The following RNLS variants were observed in gnomAD, a reference collection of about 807,000 sequenced individuals.
RNLS encodes renalase.
RNLS carries 39 observed loss-of-function variants against 39.8 expected under a neutral mutation model. That is an observed-to-expected ratio of 0.98 (90% CI 0.76 to 1.28). The LOEUF (loss-of-function observed/expected upper bound fraction) is 1.28, where lower values mean the gene tolerates loss of function less well. Ranked by LOEUF, RNLS falls within the 50% of genes most tolerant of loss-of-function variation. The pLI is 0.00. For synonymous variants in RNLS, 147 were observed against 150.7 expected, an observed-to-expected ratio of 0.98 and a Z score of 0.18; for missense variants, 410 against 413.3, an observed-to-expected ratio of 0.99 and a Z score of 0.07.
intron 4 of RNLS, among the ~76,000 whole-genome samples, chr10:88,497,956 C>T (rs1385079968): frequency 6.9e-6 from 1 of 145,392 alleles, no homozygotes; most frequent in East Asian, 2.0e-4. Flanking sequence ...AAAAAAAAAC[C>T]CAAAAAGTCC....
chr10:88,278,391 G>A (rs1437649828), intron 6 of RNLS, among the ~76,000 whole-genome samples: 1 of 152,184 alleles, frequency 6.6e-6, no homozygotes, highest in Non-Finnish European at 1.5e-5. Flanking sequence ...TCTTGCAGAA[G>A]TGGGTGCAAC....
chr10:88,542,455 A>G (rs1368269487), intron 4 of RNLS, among the ~76,000 whole-genome samples: 1 of 152,186 alleles, frequency 6.6e-6, no homozygotes, highest in South Asian at 2.1e-4. Flanking sequence ...GCACATTCAC[A>G]ATTCCAGCAC....
intron 4 of RNLS, among the ~76,000 whole-genome samples, chr10:88,566,676 GA>G (rs1405812743): frequency 2.0e-5 from 3 of 151,890 alleles, no homozygotes; most frequent in East Asian, 1.9e-4. Flanking sequence ...GAAAAGGCTA[GA>G]AAAAAAGTAA....
chr10:88,194,534 G>C, the RNLS span, among the ~76,000 whole-genome samples: 3 of 152,162 alleles, frequency 2.0e-5, no homozygotes, highest in Non-Finnish European at 4.4e-5. Context: ...AGCAAGAATA[G>C]GTCATGCTTT....
chr10:88,459,839 C>A (rs996733884), intron 4 of RNLS, among the ~76,000 whole-genome samples: 1 of 152,132 alleles, frequency 6.6e-6, no homozygotes, highest in Non-Finnish European at 1.5e-5. Context: ...TCACTCTAGA[C>A]CTTTAACAGC....
intron 4 of RNLS, among the ~76,000 whole-genome samples, chr10:88,534,349 C>A (rs1322954706): frequency 6.6e-6 from 1 of 152,136 alleles, no homozygotes; most frequent in African/African-American, 2.4e-5. Flanking sequence ...ATCCTCTGGA[C>A]ATGAACATCC....
intron 4 of RNLS, among the ~76,000 whole-genome samples, chr10:88,540,759 T>G (rs1008539749): frequency 6.6e-6 from 1 of 152,112 alleles, no homozygotes; most frequent in South Asian, 2.1e-4. Context: ...TAAGAAATTA[T>G]AAATAATTTA....
At chr10:88,180,872 A>G in the RNLS span, among the ~76,000 whole-genome samples, 2 of 152,170 alleles carry the variant, frequency 1.3e-5, no homozygotes, top group Non-Finnish European at 2.9e-5. Context: ...ATGTTTTTCA[A>G]TGTGGTATTT....
the RNLS span, among the ~76,000 whole-genome samples, chr10:88,242,774 C>T: frequency 6.6e-6 from 1 of 152,096 alleles, no homozygotes. Flanking sequence ...ATGGAGAAAC[C>T]CTGTCTCTAC....
chr10:88,272,594 C>T (rs966421391), downstream of RNLS, among the ~76,000 whole-genome samples: 1 of 152,194 alleles, frequency 6.6e-6, no homozygotes, highest in Non-Finnish European at 1.5e-5. Context: ...TGATCCCTAA[C>T]ATATCCCAAG....
intron 4 of RNLS, among the ~76,000 whole-genome samples, chr10:88,487,265 C>T (rs1206183294): frequency 6.6e-6 from 1 of 151,974 alleles, no homozygotes; most frequent in Admixed American, 6.6e-5. Flanking sequence ...AGGCTTAGTG[C>T]CTGGATGCTG....
chr10:88,314,761 AC>A, intron 5 of RNLS, 120 bp from the exon 6 acceptor site: 1 of 786,968 alleles, frequency 1.3e-6, no homozygotes, highest in Non-Finnish European at 1.9e-6. Flanking sequence ...TGGAGGAAAA[AC>A]TTATTCTAAT....
chr10:88,172,091 C>T, the RNLS span, among the ~76,000 whole-genome samples: 15 of 152,218 alleles, frequency 9.9e-5, no homozygotes, highest in African/African-American at 3.1e-4. Flanking sequence ...GTGAATGGGT[C>T]GATTCCATAT....
intron 6 of RNLS, among the ~76,000 whole-genome samples, chr10:88,296,684 C>A (rs1298355070): frequency 6.6e-6 from 1 of 152,072 alleles, no homozygotes; most frequent in Non-Finnish European, 1.5e-5. Context: ...CTTAATTGAA[C>A]CTATATACAG....
At chr10:88,385,278 C>A (rs7073491) in intron 4 of RNLS, among the ~76,000 whole-genome samples, 16,612 of 152,102 alleles carry the variant, frequency 0.11, 1,094 homozygotes, top group East Asian at 0.37. Context: ...AAAGTACATC[C>A]AGTCAAATTT....
the RNLS span, among the ~76,000 whole-genome samples, chr10:88,256,800 A>T: frequency 4.6e-5 from 7 of 152,140 alleles, no homozygotes; most frequent in African/African-American, 1.4e-4. Flanking sequence ...GCTCTTCATG[A>T]TCAGTTATTC....
intron 4 of RNLS, among the ~76,000 whole-genome samples, chr10:88,375,141 C>A (rs1045317513): frequency 6.6e-6 from 1 of 151,984 alleles, no homozygotes; most frequent in Non-Finnish European, 1.5e-5. Context: ...TCTTCTCTTC[C>A]CTTTCTCTTT....
chr10:88,377,288 C>T (rs6586129), intron 4 of RNLS, among the ~76,000 whole-genome samples: 49,167 of 151,714 alleles, frequency 0.32, 8,546 homozygotes, highest in African/African-American at 0.45. Flanking sequence ...ATTTTCTTCT[C>T]ATCTTCTAAA....
At chr10:88,454,048 C>A (rs1316171571) in intron 4 of RNLS, among the ~76,000 whole-genome samples, 1 of 152,078 alleles carries the variant, frequency 6.6e-6, no homozygotes, top group Non-Finnish European at 1.5e-5. Flanking sequence ...GATGAGATTC[C>A]TGATGGATTA....
Sources: gnomAD v4.1 joint callset for allele counts (sites outside exome capture counted in the v4.1 genomes callset) on GRCh38, gnomAD v4.1.1 for gene constraint, MANE v1.5 for transcripts, NCBI Gene and HGNC (gene_info 2026-07-23, HGNC 2026-07-21) for gene names.